Variants in IBTK observed in about 807,000 individuals in gnomAD.
IBTK encodes the protein BTK-binding protein.
IBTK carries 83 observed loss-of-function variants against 154.9 expected under a neutral mutation model. The observed-to-expected ratio is 0.54, with a 90% CI of 0.45 to 0.64. The LOEUF (loss-of-function observed/expected upper bound fraction) is 0.64, where lower values mean the gene tolerates loss of function less well. Among genes scored for constraint, IBTK ranks in the 30% least tolerant of loss-of-function variants. The probability of loss-of-function intolerance (pLI) is 0.00; values close to 1 mark genes in which losing one functional copy is unlikely to be tolerated. For synonymous variants in IBTK, 515 were observed against 536.1 expected, an observed-to-expected ratio of 0.96 and a Z score of 0.54; for missense variants, 1,332 against 1,584.6, an observed-to-expected ratio of 0.84 and a Z score of 2.71.
At chr6:82,176,521 C>CAAAAAAAA (rs749153646) in intron 26 of IBTK, among the ~76,000 whole-genome samples, 2 of 61,478 alleles carry the variant, frequency 3.3e-5, no homozygotes, top group East Asian at 5.7e-4. Context: ...GAGTCCGTCT[C>CAAAAAAAA]AAAAAAAAAA....
At chr6:82,171,683 C>T in intron 28 of IBTK, 127 bp from the exon 29 acceptor site, 1 of 773,932 alleles carries the variant, frequency 1.3e-6, no homozygotes. Flanking sequence ...GAAATTAAAT[C>T]AGGTATCCTG....
intron 26 of IBTK, among the ~76,000 whole-genome samples, chr6:82,178,087 G>GA (rs1005980942): frequency 3.9e-5 from 6 of 151,902 alleles, no homozygotes; most frequent in Non-Finnish European, 5.9e-5. Flanking sequence ...TTCTATGATG[G>GA]AAAAAAACCC....
Position 82,191,253 on chromosome 6 carries a change from T to C in IBTK, c.3432-37A>G, listed in dbSNP as rs566322613. 2.0e-4 allele frequency: 312 copies of C among 1,537,656 alleles called. 2 individuals carry two copies. Among genetic ancestry groups the C allele is most frequent in the Non-Finnish European group, 6.2e-6 (7 of 1,134,390 alleles). On this transcript the variant is annotated intron_variant, in intron 24 of 28. Coordinates refer to ENST00000306270, the MANE Select transcript of IBTK (RefSeq NM_015525.4). ...ACCAATTAGTTTCAGTGGTTTCTTC[T>C]GACAAAGTTTAATTCCATGAGAAAT...
intron 26 of IBTK, chr6:82,173,641 G>C: frequency 3.3e-6 from 1 of 307,092 alleles, no homozygotes; most frequent in Non-Finnish European, 5.7e-6. Context: ...CATAGAGAAA[G>C]ATACTGCAAG....
chr6:82,193,365 G>C (rs1768853160), intron 23 of IBTK, among the ~76,000 whole-genome samples: 1 of 151,832 alleles, frequency 6.6e-6, no homozygotes, highest in Non-Finnish European at 1.5e-5. Context: ...CCTAACATTA[G>C]CAATCAGAAG....
chr6:82,238,483 G>T (rs1770818095), intron 2 of IBTK, among the ~76,000 whole-genome samples: 1 of 151,948 alleles, frequency 6.6e-6, no homozygotes. Flanking sequence ...GGTTGCCCAG[G>T]CTGAAGTACA....
chr6:82,204,800 A>G, intron 17 of IBTK, 57 bp downstream of exon 17: 1 of 1,094,452 alleles, frequency 9.1e-7, no homozygotes, highest in Non-Finnish European at 1.3e-6. Flanking sequence ...TCAATAAAGT[A>G]CAGTAATCCT....
intron 13 of IBTK, among the ~76,000 whole-genome samples, chr6:82,212,378 A>G (rs1481897873): frequency 6.6e-6 from 1 of 152,208 alleles, no homozygotes; most frequent in Non-Finnish European, 1.5e-5. Flanking sequence ...ACAATGATGA[A>G]GAGGTATAAT....
At chr6:82,196,681 C>T (rs1264658170) in intron 21 of IBTK, among the ~76,000 whole-genome samples, 1 of 152,166 alleles carries the variant, frequency 6.6e-6, no homozygotes, top group African/African-American at 2.4e-5. Context: ...TACAATCACA[C>T]ACCAATTGTG....
chr6:82,211,282 G>C (rs1769626108), intron 15 of IBTK, 85 bp downstream of exon 15: 1 of 1,063,154 alleles, frequency 9.4e-7, no homozygotes, highest in Non-Finnish European at 1.4e-6. Context: ...ATCCAGTTCT[G>C]ATTTTGAATT....
chr6:82,193,838 C>T (rs569607200), intron 23 of IBTK, among the ~76,000 whole-genome samples: 248 of 151,954 alleles, frequency 1.6e-3, no homozygotes, highest in Middle Eastern at 6.8e-3. Flanking sequence ...CGTACCACCA[C>T]GCCTGGCTAA....
chr6:82,197,016 GCAA>G (rs1335364451), intron 21 of IBTK, among the ~76,000 whole-genome samples: 1 of 152,200 alleles, frequency 6.6e-6, no homozygotes, highest in Non-Finnish European at 1.5e-5. Flanking sequence ...CTCGCTTGAA[GCAA>G]GAGGGTTGTT....
chr6:82,233,155 C>CAAAAAAAAAA (rs35870814), intron 3 of IBTK, among the ~76,000 whole-genome samples: 3 of 93,388 alleles, frequency 3.2e-5, no homozygotes, highest in African/African-American at 1.1e-4. Context: ...GAAACTGTCT[C>CAAAAAAAAAA]AAAAAAAAAA....
At chr6:82,180,795 T>G (rs1768293725) in intron 26 of IBTK, among the ~76,000 whole-genome samples, 1 of 152,192 alleles carries the variant, frequency 6.6e-6, no homozygotes, top group Non-Finnish European at 1.5e-5. Context: ...CTTTGATAGT[T>G]CCTCAGGACA....
intron 21 of IBTK, among the ~76,000 whole-genome samples, chr6:82,197,523 C>T (rs536287636): frequency 6.6e-6 from 1 of 152,186 alleles, no homozygotes; most frequent in East Asian, 1.9e-4. Context: ...GCATGCACCA[C>T]CATGCCCGGC....
chr6:82,180,740 A>C (rs1364180617), intron 26 of IBTK, among the ~76,000 whole-genome samples: 1 of 152,198 alleles, frequency 6.6e-6, no homozygotes, highest in African/African-American at 2.4e-5. Flanking sequence ...ATATGCCTAA[A>C]CATTTAATCT....
chr6:82,194,405 TA>T (rs1562080100), intron 23 of IBTK, 73 bp downstream of exon 23: 2 of 1,009,886 alleles, frequency 2.0e-6, no homozygotes, highest in Non-Finnish European at 2.7e-6. Context: ...TGTTCATCAT[TA>T]AAAAATTAAA....
At chr6:82,236,283 C>G (rs1250459499) in intron 2 of IBTK, among the ~76,000 whole-genome samples, 1 of 152,186 alleles carries the variant, frequency 6.6e-6, no homozygotes, top group Non-Finnish European at 1.5e-5. Flanking sequence ...ATATCCCTAG[C>G]ACCTGGATTA....
At chr6:82,228,790 T>G (rs182537094) in intron 4 of IBTK, among the ~76,000 whole-genome samples, 3 of 152,012 alleles carry the variant, frequency 2.0e-5, no homozygotes, top group African/African-American at 7.2e-5. Flanking sequence ...CCTGGCTAAT[T>G]TTTTATATTT....
Sources: allele counts gnomAD v4.1 joint callset (sites outside exome capture counted in the v4.1 genomes callset), GRCh38; gene constraint gnomAD v4.1.1; transcripts MANE v1.5; gene names NCBI Gene and HGNC (gene_info 2026-07-23, HGNC 2026-07-21).